Variants in DNAH12 observed in about 807,000 individuals in gnomAD.
DNAH12 encodes dynein axonemal heavy chain 12, also known as axonemal beta dynein heavy chain 12.
In DNAH12, 285 loss-of-function variants were observed where a neutral mutation model predicts 371.5. The observed-to-expected ratio is 0.77, with a 90% CI of 0.70 to 0.85. The LOEUF (loss-of-function observed/expected upper bound fraction) is 0.85, where lower values mean the gene tolerates loss of function less well. Among genes scored for constraint, DNAH12 ranks in the 40% least tolerant of loss-of-function variants. DNAH12 has a pLI of 0.00. For synonymous variants in DNAH12, 1,200 were observed against 1,213.0 expected (o/e 0.99, Z 0.22); for missense variants, 3,611 against 3,689.4 (o/e 0.98, Z 0.55).
At chr3:57,533,766 A>C (rs960428637) in intron 2 of DNAH12, among the ~76,000 whole-genome samples, 1 of 152,090 alleles carries the variant, frequency 6.6e-6, no homozygotes, top group Non-Finnish European at 1.5e-5. Flanking sequence ...TCCTCTCTTC[A>C]TGCGGAAGGA....
chr3:57,448,092 A>C (rs560741210), intron 25 of DNAH12, among the ~76,000 whole-genome samples: 1 of 152,256 alleles, frequency 6.6e-6, no homozygotes, highest in South Asian at 2.1e-4. Context: ...TGTTCCCTTT[A>C]TTGTGAATAA....
chr3:57,429,436 A>C (rs1312403331), intron 33 of DNAH12, among the ~76,000 whole-genome samples: 1 of 152,116 alleles, frequency 6.6e-6, no homozygotes, highest in African/African-American at 2.4e-5. Flanking sequence ...TCAGCCTCCC[A>C]AAGTGCTGGA....
At chr3:57,462,595 A>G in intron 18 of DNAH12, 95 bp downstream of exon 18, 1 of 1,414,732 alleles carries the variant, frequency 7.1e-7, no homozygotes, top group Non-Finnish European at 9.4e-7. Context: ...CTCCCGCGCT[A>G]TCCAGTACTA....
chr3:57,323,055 G>C lies in DNAH12; in HGVS notation c.10335C>G (p.Thr3445=). 6.4e-7 allele frequency: 1 copy of C among 1,552,352 alleles called. No individual in the cohort carries two copies. The highest frequency in any genetic ancestry group is 8.7e-7 in the Non-Finnish European group (1 of 1,147,144). The stretch of plus-strand genomic sequence containing the variant: ...GCCAAAGCCTAAAGGATGAGTTACA[G>C]GTTTCAGAGGTAAAATCTTCACATA... ...EKICEDFTSE[T]CNSSFRLWLT... The change falls in exon 64 of 74, where the codon ACC becomes ACG. Residue 3445 remains threonine (T), a synonymous_variant. Transcript: ENST00000495027.
At chr3:57,481,782 C>G (rs1349609739) in intron 13 of DNAH12, among the ~76,000 whole-genome samples, 1 of 151,602 alleles carries the variant, frequency 6.6e-6, no homozygotes. Flanking sequence ...CTACAACCAT[C>G]TGATCTTTGA....
chr3:57,427,726 C>A (rs1209349949), intron 34 of DNAH12, among the ~76,000 whole-genome samples: 1 of 151,806 alleles, frequency 6.6e-6, no homozygotes, highest in African/African-American at 2.4e-5. Flanking sequence ...AAAAAGAAGG[C>A]CATGTGAAGA....
chr3:57,461,436 T>C lies in DNAH12; in HGVS notation c.2736+53A>G. 3 of 1,515,416 alleles carry C rather than the reference T, an allele frequency of 2.0e-6. 1 individual carries two copies. The highest frequency in any genetic ancestry group is 9.0e-7 in the Non-Finnish European group (1 of 1,116,232). The allele number at this position is 1,515,416 out of a possible 1,614,324, so 93.9% of individuals were successfully genotyped here. A position where few individuals can be genotyped will look rare whatever the true frequency, so the allele number is the denominator to read the frequency against. ...TATTACCATGAGAGCGTATATGTAA[T>C]AGGATTGCAATCCGTATAAATGACC... On this transcript the variant is annotated intron_variant, in intron 19 of 73. Coordinates refer to ENST00000495027, the MANE Select transcript of DNAH12 (RefSeq NM_001366028.2).
intron 70 of DNAH12, 54 bp downstream of exon 70, chr3:57,301,681 C>T: frequency 1.2e-4 from 1 of 8,140 alleles, no homozygotes; most frequent in Non-Finnish European, 1.6e-4. Context: ...GTATTTTACA[C>T]ACACACACAC....
At chr3:57,296,063 C>G (rs1295141468) in intron 72 of DNAH12, among the ~76,000 whole-genome samples, 1 of 152,132 alleles carries the variant, frequency 6.6e-6, no homozygotes. Context: ...TGGTCCTACA[C>G]ATTACAAAAT....
At chr3:57,540,634 G>C (rs1473755810) in intron 2 of DNAH12, among the ~76,000 whole-genome samples, 1 of 152,086 alleles carries the variant, frequency 6.6e-6, no homozygotes, top group Non-Finnish European at 1.5e-5. Flanking sequence ...AAGTTATGGA[G>C]TAAAAACAAT....
chr3:57,404,612 T>C (rs1388611216), intron 42 of DNAH12, among the ~76,000 whole-genome samples: 1 of 151,950 alleles, frequency 6.6e-6, no homozygotes, highest in Non-Finnish European at 1.5e-5. Flanking sequence ...CCCAGCTACC[T>C]GGGAGGCTGA....
At chr3:57,437,372 G>A (rs2065160365) in intron 29 of DNAH12, among the ~76,000 whole-genome samples, 1 of 136,396 alleles carries the variant, frequency 7.3e-6, no homozygotes, top group Admixed American at 7.6e-5. Flanking sequence ...AGAAAGACCT[G>A]TCAGACAATC....
chr3:57,524,788 A>G (rs1384189550), intron 2 of DNAH12, among the ~76,000 whole-genome samples: 1 of 152,148 alleles, frequency 6.6e-6, no homozygotes, highest in Non-Finnish European at 1.5e-5. Context: ...GAAGGCAAGG[A>G]AAGGATCAAA....
intron 2 of DNAH12, among the ~76,000 whole-genome samples, chr3:57,530,000 A>G (rs2068785413): frequency 6.6e-6 from 1 of 152,120 alleles, no homozygotes; most frequent in East Asian, 1.9e-4. Flanking sequence ...CTCACTGGTC[A>G]CTCAAAAGCA....
At chr3:57,435,378 A>C (rs1407838886) in intron 30 of DNAH12, among the ~76,000 whole-genome samples, 3 of 150,070 alleles carry the variant, frequency 2.0e-5, no homozygotes, top group African/African-American at 5.0e-5. Context: ...TCTCCCAAAA[A>C]AAAAAAAAAA....
chr3:57,503,165 A>C (rs1395719023), intron 9 of DNAH12, among the ~76,000 whole-genome samples: 1 of 152,184 alleles, frequency 6.6e-6, no homozygotes, highest in African/African-American at 2.4e-5. Context: ...AGGCAAGAAG[A>C]TCACTTGAGC....
intron 65 of DNAH12, among the ~76,000 whole-genome samples, chr3:57,317,394 C>T (rs1006981275): frequency 2.6e-5 from 4 of 152,158 alleles, no homozygotes; most frequent in Non-Finnish European, 5.9e-5. Context: ...CCCCCTCCCA[C>T]AGCCCCAGGT....
intron 13 of DNAH12, among the ~76,000 whole-genome samples, chr3:57,479,406 C>T (rs1240272004): frequency 1.3e-5 from 2 of 152,128 alleles, no homozygotes; most frequent in South Asian, 2.1e-4. Context: ...TACAGGAGCA[C>T]CCAGATTCAC....
At chr3:57,321,828 T>C (rs1195117463) in intron 65 of DNAH12, among the ~76,000 whole-genome samples, 1 of 152,222 alleles carries the variant, frequency 6.6e-6, no homozygotes, top group Non-Finnish European at 1.5e-5. Flanking sequence ...ATGAGTACTC[T>C]CTACTGGGAC....
Sources: gnomAD v4.1 joint callset for allele counts (sites outside exome capture counted in the v4.1 genomes callset) on GRCh38, gnomAD v4.1.1 for gene constraint, MANE v1.5 for transcripts, NCBI Gene and HGNC (gene_info 2026-07-23, HGNC 2026-07-21) for gene names.